The following STK3 variants were observed in gnomAD, a reference collection of about 807,000 sequenced individuals.
STK3 encodes serine/threonine kinase 3, also known as serine/threonine-protein kinase 3.
STK3 carries 41 observed loss-of-function variants against 58.0 expected under a neutral mutation model. That is an observed-to-expected ratio of 0.71 (90% CI 0.55 to 0.92). STK3 has a LOEUF of 0.92. Ranked by LOEUF, STK3 falls within the 40% of genes least tolerant of loss-of-function variation. The pLI, the probability that STK3 is intolerant of heterozygous loss-of-function variation, is 0.00. For synonymous variants in STK3, 170 were observed against 191.0 expected (o/e 0.89, Z 0.91); for missense variants, 479 against 602.7 (o/e 0.79, Z 2.15).
chr8:98,746,276 T>C (rs1437457462), intron 4 of STK3, among the ~76,000 whole-genome samples: 3 of 152,128 alleles, frequency 2.0e-5, no homozygotes, highest in Non-Finnish European at 4.4e-5. Flanking sequence ...TGTCTAGCAC[T>C]CTATCAAAGA....
At chr8:98,678,097 C>T (rs1291498596) in intron 6 of STK3, among the ~76,000 whole-genome samples, 1 of 152,140 alleles carries the variant, frequency 6.6e-6, no homozygotes, top group African/African-American at 2.4e-5. Flanking sequence ...ACAATCTGTT[C>T]ATTATTAATT....
intron 10 of STK3, among the ~76,000 whole-genome samples, chr8:98,505,905 C>G (rs1824024178): frequency 1.3e-5 from 2 of 152,186 alleles, no homozygotes; most frequent in Admixed American, 1.3e-4. Context: ...GAACACCATG[C>G]TGGGAGAACC....
At chr8:98,842,537 G>A (rs1836034395) in intron 3 of STK3, among the ~76,000 whole-genome samples, 1 of 151,812 alleles carries the variant, frequency 6.6e-6, no homozygotes, top group African/African-American at 2.4e-5. Flanking sequence ...AATTAGCTGG[G>A]CGTGGTGGCA....
intron 10 of STK3, among the ~76,000 whole-genome samples, chr8:98,488,956 A>G (rs998077423): frequency 3.3e-5 from 5 of 152,146 alleles, no homozygotes; most frequent in Admixed American, 3.3e-4. Flanking sequence ...TGGCTGGGGC[A>G]TGCCCATTTC....
the STK3 span, among the ~76,000 whole-genome samples, chr8:98,360,030 T>A: frequency 1.3e-5 from 2 of 152,146 alleles, no homozygotes; most frequent in Non-Finnish European, 2.9e-5. Flanking sequence ...TGGCTGGAAG[T>A]TGCCAAGACT....
rs184806655 is a variant in STK3, at chr8:98,501,989, T to C, written c.1317+24753A>G. Among the ~76,000 whole-genome samples, 1,070 of 152,270 alleles carry C rather than the reference T, an allele frequency of 7.0e-3. 12 individuals carry two copies. Among genetic ancestry groups the C allele is most frequent in the African/African-American group, 0.024 (988 of 41,570 alleles). ...CGATGGCATTGAATCTATAAATTAC[T>C]TTGAGCAGTATGGCCATTTTCACAA... On this transcript the variant is annotated intron_variant, in intron 10 of 10. Coordinates refer to ENST00000419617, the MANE Select transcript of STK3 (RefSeq NM_006281.4).
intron 1 of STK3, among the ~76,000 whole-genome samples, chr8:98,894,116 G>A (rs1838362506): frequency 1.3e-5 from 2 of 152,172 alleles, no homozygotes; most frequent in South Asian, 4.1e-4. Context: ...TCCCGTGATA[G>A]GGGGTATTTT....
intron 1 of STK3, among the ~76,000 whole-genome samples, chr8:98,896,910 T>C (rs909481542): frequency 2.6e-5 from 4 of 151,594 alleles, no homozygotes; most frequent in African/African-American, 9.7e-5. Flanking sequence ...GCCCAATAGG[T>C]GGAGGCTGCA....
chr8:98,513,164 A>G (rs551688709), intron 10 of STK3, among the ~76,000 whole-genome samples: 1 of 152,184 alleles, frequency 6.6e-6, no homozygotes, highest in Admixed American at 6.5e-5. Flanking sequence ...CACAACAAAG[A>G]CAAAAATAAT....
chr8:98,681,050 G>A (rs1217979423), intron 6 of STK3, among the ~76,000 whole-genome samples: 1 of 149,680 alleles, frequency 6.7e-6, no homozygotes, highest in African/African-American at 2.5e-5. Context: ...CCAGGGTGGA[G>A]TGCAGTGGCA....
chr8:98,517,152 AAAC>A (rs1285266153), intron 10 of STK3, among the ~76,000 whole-genome samples: 1 of 152,108 alleles, frequency 6.6e-6, no homozygotes, highest in Non-Finnish European at 1.5e-5. Context: ...CTGCTATGAG[AAAC>A]AACATTAGTT....
rs908567268 is a variant in STK3 at position 98,548,062 on chromosome 8, T to C, written c.1048A>G (p.Met350Val). 19 of 1,610,758 alleles carry C rather than the reference T, an allele frequency of 1.2e-5. No individual in the cohort carries two copies. The highest frequency in any genetic ancestry group is 3.4e-5 in the Admixed American group (2 of 59,524). ...TSTMSEGAQTMIEHNSTMLES... is the reference protein window; with the variant it reads ...TSTMSEGAQTVIEHNSTMLES... ...AACATCGTGCTATTATGTTCAATCA[T>C]GGTCTGGGCCCCTTCACTCATCGTG... is the stretch of plus-strand genomic sequence containing the variant. Residue 350 changes from methionine (M) to valine (V), a missense_variant, in exon 9 of 11, where the codon ATG becomes GTG. By Grantham distance (21) the Met-to-Val change is conservative. Around this residue, in one of 3 missense-constraint regions of STK3, gnomAD observed 309 missense variants for 355.7 expected, o/e 0.87. Coordinates refer to ENST00000419617, the MANE Select transcript of STK3 (RefSeq NM_006281.4).
At chr8:98,421,055 G>A (rs144667471) in intron 3 of STK3, among the ~76,000 whole-genome samples, 76 of 152,298 alleles carry the variant, frequency 5.0e-4, no homozygotes, top group Admixed American at 2.2e-3. Context: ...TTCATCTTCC[G>A]TAGTCACCTG....
intron 3 of STK3, among the ~76,000 whole-genome samples, chr8:98,866,214 C>A (rs992258991): frequency 6.6e-6 from 1 of 152,216 alleles, no homozygotes; most frequent in Non-Finnish European, 1.5e-5. Context: ...AATCTGCAAA[C>A]TGAGTGTTCA....
At chr8:98,445,648 C>G (rs1818909753) in intron 1 of STK3, among the ~76,000 whole-genome samples, 1 of 152,096 alleles carries the variant, frequency 6.6e-6, no homozygotes, top group Non-Finnish European at 1.5e-5. Flanking sequence ...CTGATGGCCT[C>G]AAGAAGAAAA....
intron 10 of STK3, among the ~76,000 whole-genome samples, chr8:98,523,559 C>T (rs921542311): frequency 3.3e-5 from 5 of 151,848 alleles, no homozygotes; most frequent in African/African-American, 1.2e-4. Context: ...ATTTTTAGTA[C>T]AGGTGGGGTT....
At chr8:98,534,224 G>A (rs914993633) in intron 9 of STK3, among the ~76,000 whole-genome samples, 8 of 152,188 alleles carry the variant, frequency 5.3e-5, no homozygotes, top group African/African-American at 1.9e-4. Context: ...AGCTGTTCCA[G>A]CTTTAGATGG....
chr8:98,679,570 T>C (rs1445583854), intron 6 of STK3, among the ~76,000 whole-genome samples: 1 of 152,214 alleles, frequency 6.6e-6, no homozygotes, highest in Non-Finnish European at 1.5e-5. Flanking sequence ...CTCAGTAGAA[T>C]ATAAACTCAA....
chr8:98,529,172 C>T (rs993034102), intron 9 of STK3, among the ~76,000 whole-genome samples: 2 of 152,044 alleles, frequency 1.3e-5, no homozygotes, highest in African/African-American at 4.8e-5. Context: ...CAAAAGAAAG[C>T]ATGTTAAGAC....
Sources: gnomAD v4.1 joint callset for allele counts (sites outside exome capture counted in the v4.1 genomes callset) on GRCh38, gnomAD v4.1.1 for gene constraint, gnomAD v4.1.1 regional missense constraint, MANE v1.5 for transcripts, NCBI Gene and HGNC (gene_info 2026-07-23, HGNC 2026-07-21) for gene names.